The following NPAS3 variants were observed in gnomAD, a reference collection of about 807,000 sequenced individuals.
NPAS3 encodes the protein neuronal PAS domain protein 3, also known as neuronal PAS domain-containing protein 3.
Under a neutral mutation model 73.1 loss-of-function variants are expected in NPAS3, and 14 were observed. The ratio of observed to expected loss-of-function variants is 0.19; its 90% CI spans 0.13 to 0.30. The LOEUF is 0.30. NPAS3 is among the 10% of genes least tolerant of loss of function. The probability of loss-of-function intolerance (pLI) is 1.00; values close to 1 mark genes in which losing one functional copy is unlikely to be tolerated. For missense variants in NPAS3, 1,096 were observed against 1,250.0 expected (o/e 0.88, Z 1.86); for synonymous variants, 620 against 541.5 (o/e 1.14, Z -2.01).
chr14:33,000,794 G>A (rs2038779153), intron 1 of NPAS3, among the ~76,000 whole-genome samples: 1 of 152,122 alleles, frequency 6.6e-6, no homozygotes, highest in Admixed American at 6.6e-5. Context: ...TGTCAGCTGG[G>A]GTAAGTCAGA....
intron 4 of NPAS3, among the ~76,000 whole-genome samples, chr14:33,547,440 A>T (rs1485667159): frequency 6.6e-6 from 1 of 152,208 alleles, no homozygotes; most frequent in Non-Finnish European, 1.5e-5. Flanking sequence ...ATTTGTCAGT[A>T]ATCATTATAC....
At chr14:33,634,258 A>G (rs906018727) in intron 5 of NPAS3, among the ~76,000 whole-genome samples, 1 of 152,208 alleles carries the variant, frequency 6.6e-6, no homozygotes, top group Non-Finnish European at 1.5e-5. Context: ...TAATACGTGC[A>G]CTGTCTATTG....
chr14:33,414,235 A>G (rs935547738), intron 4 of NPAS3, among the ~76,000 whole-genome samples: 6 of 152,282 alleles, frequency 3.9e-5, no homozygotes, highest in Non-Finnish European at 8.8e-5. Context: ...AGTAGCAAAC[A>G]TTCGCTTTCC....
chr14:33,279,185 T>C (rs1197643227), intron 3 of NPAS3, among the ~76,000 whole-genome samples: 2 of 152,172 alleles, frequency 1.3e-5, no homozygotes, highest in Non-Finnish European at 2.9e-5. Context: ...TATTTCATGC[T>C]GGTGGTTCCG....
At chr14:33,086,457 A>C (rs1174727255) in intron 2 of NPAS3, among the ~76,000 whole-genome samples, 4 of 152,168 alleles carry the variant, frequency 2.6e-5, no homozygotes, top group Non-Finnish European at 4.4e-5. Flanking sequence ...AAAGGGTCAC[A>C]GTATACTTAG....
intron 1 of NPAS3, among the ~76,000 whole-genome samples, chr14:32,946,894 T>C (rs1229102070): frequency 6.6e-6 from 1 of 152,158 alleles, no homozygotes; most frequent in Non-Finnish European, 1.5e-5. Context: ...CACCATCAGA[T>C]CATCTTAAAA....
At chr14:33,109,025 C>T (rs963320198) in intron 2 of NPAS3, among the ~76,000 whole-genome samples, 8 of 152,014 alleles carry the variant, frequency 5.3e-5, no homozygotes, top group Non-Finnish European at 7.4e-5. Flanking sequence ...TCTTTACAGT[C>T]CTGATTTGAT....
At chr14:33,583,452 T>C (rs2056754550) in intron 5 of NPAS3, 1 of 152,186 alleles carries the variant, frequency 6.6e-6, no homozygotes, top group South Asian at 2.1e-4. Flanking sequence ...TCTTGCTTAG[T>C]GGTCTTTTAA....
At chr14:33,649,861 A>G (rs997430445) in intron 5 of NPAS3, among the ~76,000 whole-genome samples, 2 of 152,236 alleles carry the variant, frequency 1.3e-5, no homozygotes, top group Admixed American at 6.5e-5. Flanking sequence ...GGCTGCAGAG[A>G]GAGAAACCAA....
intron 5 of NPAS3, among the ~76,000 whole-genome samples, chr14:33,563,939 A>G (rs570378670): frequency 6.6e-6 from 1 of 152,360 alleles, no homozygotes; most frequent in Admixed American, 6.5e-5. Flanking sequence ...CAAAGAATCC[A>G]AAAGAGACTT....
chr14:33,631,260 T>A (rs924298851), intron 5 of NPAS3, among the ~76,000 whole-genome samples: 18 of 152,216 alleles, frequency 1.2e-4, no homozygotes, highest in African/African-American at 4.3e-4. Flanking sequence ...GGAGCCCACA[T>A]TTACGTAATG....
intron 3 of NPAS3, among the ~76,000 whole-genome samples, chr14:33,285,543 A>C (rs1474633538): frequency 6.6e-6 from 1 of 152,184 alleles, no homozygotes; most frequent in Non-Finnish European, 1.5e-5. Flanking sequence ...ATTCCTCTCA[A>C]ACACGTGTTC....
chr14:33,397,547 A>G (rs144890672), intron 4 of NPAS3, among the ~76,000 whole-genome samples: 225 of 152,176 alleles, frequency 1.5e-3, no homozygotes, highest in African/African-American at 5.2e-3. Flanking sequence ...TAATTAGTCA[A>G]TTGCATGAGG....
chr14:33,632,076 G>A (rs903707808), intron 5 of NPAS3, among the ~76,000 whole-genome samples: 3 of 152,088 alleles, frequency 2.0e-5, no homozygotes, highest in African/African-American at 7.2e-5. Context: ...GTGAAAGACC[G>A]GTTAGTCTTG....
intron 4 of NPAS3, among the ~76,000 whole-genome samples, chr14:33,447,643 G>T (rs886900919): frequency 6.6e-6 from 1 of 152,182 alleles, no homozygotes; most frequent in African/African-American, 2.4e-5. Context: ...GCTGGGCAAA[G>T]TGGCACATAC....
chr14:33,626,157 A>G (rs1174032152), intron 5 of NPAS3, among the ~76,000 whole-genome samples: 1 of 152,216 alleles, frequency 6.6e-6, no homozygotes, highest in African/African-American at 2.4e-5. Flanking sequence ...GTCTGTGTCT[A>G]TGCTGAGAGA....
intron 7 of NPAS3, among the ~76,000 whole-genome samples, chr14:33,744,266 G>A (rs2061729004): frequency 6.6e-6 from 1 of 152,056 alleles, no homozygotes; most frequent in Admixed American, 6.6e-5. Flanking sequence ...GCCATGCTAG[G>A]GTTATTAATT....
chr14:33,042,177 C>T (rs1216903352), intron 1 of NPAS3, among the ~76,000 whole-genome samples: 1 of 152,104 alleles, frequency 6.6e-6, no homozygotes, highest in East Asian at 1.9e-4. Flanking sequence ...AAAATTTTGA[C>T]TTCCCATTAT....
chr14:33,281,631 CA>C (rs1375488111), intron 3 of NPAS3, among the ~76,000 whole-genome samples: 1 of 151,904 alleles, frequency 6.6e-6, no homozygotes, highest in Non-Finnish European at 1.5e-5. Context: ...GACTCCACCT[CA>C]AAAAAAATTT....
Sources: allele counts gnomAD v4.1 joint callset (sites outside exome capture counted in the v4.1 genomes callset), GRCh38; gene constraint gnomAD v4.1.1; transcripts MANE v1.5; gene names NCBI Gene and HGNC (gene_info 2026-07-23, HGNC 2026-07-21).